SLC23A2: variants seen among roughly 807,000 people sequenced by gnomAD.
SLC23A2 encodes solute carrier family 23 member 2, also known as Na(+)/L-ascorbic acid transporter 2.
In SLC23A2, 36 loss-of-function variants were observed where a neutral mutation model predicts 73.3. The ratio of observed to expected loss-of-function variants is 0.49; its 90% confidence interval spans 0.38 to 0.65. The LOEUF (loss-of-function observed/expected upper bound fraction) is 0.65, where lower values mean the gene tolerates loss of function less well. Among genes scored for constraint, SLC23A2 ranks in the 30% least tolerant of loss-of-function variants. The probability of loss-of-function intolerance (pLI) is 0.00; values close to 1 mark genes in which losing one functional copy is unlikely to be tolerated. For missense variants in SLC23A2, 507 were observed against 841.6 expected, an observed-to-expected ratio of 0.60 and a Z score of 4.92; for synonymous variants, 343 against 327.3, an observed-to-expected ratio of 1.05 and a Z score of -0.52.
At chr20:4,887,665 C>T (rs1020887900) in intron 6 of SLC23A2, among the ~76,000 whole-genome samples, 2 of 152,174 alleles carry the variant, frequency 1.3e-5, no homozygotes, top group African/African-American at 2.4e-5. Context: ...AAGATACTTG[C>T]TCATTTGCAA....
intron 6 of SLC23A2, among the ~76,000 whole-genome samples, chr20:4,897,216 C>T (rs1336318433): frequency 6.6e-6 from 1 of 152,214 alleles, no homozygotes; most frequent in African/African-American, 2.4e-5. Flanking sequence ...ACCACCCACA[C>T]CCCGACAACC....
At chr20:4,928,728 G>T (rs1932751558) in intron 3 of SLC23A2, among the ~76,000 whole-genome samples, 1 of 152,078 alleles carries the variant, frequency 6.6e-6, no homozygotes, top group African/African-American at 2.4e-5. Flanking sequence ...TAATTAAATG[G>T]CTCTACTGTT....
intron 9 of SLC23A2, among the ~76,000 whole-genome samples, chr20:4,882,296 A>G (rs1930918616): frequency 6.6e-6 from 1 of 151,934 alleles, no homozygotes; most frequent in African/African-American, 2.4e-5. Context: ...AATTGCTTAA[A>G]CTCGGGAGGT....
rs564522622 is a variant in SLC23A2, at chr20:4,852,969, G to A, written c.*4003C>T. On this transcript the variant is annotated 3_prime_UTR_variant, in exon 17 of 17. Transcript: ENST00000338244. The surrounding 1 kb of genome is among the most constrained non-coding windows in gnomAD (Gnocchi z 4.3). ...GCAGACGCTGAACGCTGGCAAAACC[G>A]GGTGGCCGTTCTTGCACTACTCGGG... is the stretch of plus-strand genomic sequence containing the variant. The A allele has an allele frequency of 1.9e-4, 29 of 152,700 alleles. No homozygotes were observed. The highest frequency in any genetic ancestry group is 1.3e-3 in the Admixed American group (20 of 15,300). 9.5% of individuals were successfully genotyped at this position (152,700 alleles called of 1,614,324 possible).
chr20:4,985,124 AG>A, intron 1 of SLC23A2, among the ~76,000 whole-genome samples: 1 of 143,232 alleles, frequency 7.0e-6, no homozygotes, highest in South Asian at 2.5e-4. Flanking sequence ...TGACAGAGCA[AG>A]ACTCCGTCTC....
rs1045683226 is a variant in SLC23A2 at position 4,863,433 on chromosome 20, G to A, written c.1357-526C>T. Among the ~76,000 whole-genome samples, 11 of 152,194 alleles carry A rather than the reference G, an allele frequency of 7.2e-5. No individual in the cohort carries two copies. Among genetic ancestry groups the A allele is most frequent in the African/African-American group, 1.9e-4 (8 of 41,426 alleles). ...CTGGCCCACGTCTGACTGTATGGTC[G>A]GGCCGACCCGTAGCCTCTAGAGTCT... On this transcript the variant is annotated intron_variant, in intron 13 of 16. Coordinates refer to ENST00000338244, the MANE Select transcript of SLC23A2 (RefSeq NM_005116.6). This position sits in a 1 kb window ranked among gnomAD's most constrained non-coding sequence, Gnocchi z 4.8.
intron 2 of SLC23A2, among the ~76,000 whole-genome samples, chr20:4,933,809 C>T (rs1568631038): frequency 6.6e-6 from 1 of 152,110 alleles, no homozygotes; most frequent in Non-Finnish European, 1.5e-5. Context: ...TCAGATCTTA[C>T]CACCAATTAT....
Position 4,862,700 on chromosome 20 carries a change from A to G in SLC23A2, c.1486+78T>C. 1 of 1,299,146 alleles carries G rather than the reference A, an allele frequency of 7.7e-7. No individual in the cohort carries two copies. Among genetic ancestry groups the G allele is most frequent in the Non-Finnish European group, 1.1e-6 (1 of 927,688 alleles). 80.5% of individuals were successfully genotyped at this position (1,299,146 alleles called of 1,614,324 possible). On this transcript the variant is annotated intron_variant, in intron 14 of 16. Coordinates refer to ENST00000338244, the MANE Select transcript of SLC23A2 (RefSeq NM_005116.6). This position sits in a 1 kb window ranked among gnomAD's most constrained non-coding sequence, Gnocchi z 5.1. ...AAATTTATCGTTACCTTCTTACTGA[A>G]GGGAGTCAGCAAAAACACCATGACC...
intron 2 of SLC23A2, among the ~76,000 whole-genome samples, chr20:4,959,219 CA>C (rs34519143): frequency 0.014 from 1,614 of 113,412 alleles, 8 homozygotes; most frequent in Non-Finnish European, 0.021. Flanking sequence ...AACTCTGTCT[CA>C]AAAAAAAAAA....
chr20:4,984,456 C>G (rs1368061058), intron 1 of SLC23A2, among the ~76,000 whole-genome samples: 1 of 150,646 alleles, frequency 6.6e-6, no homozygotes, highest in Non-Finnish European at 1.5e-5. Flanking sequence ...TGGAGGCTGA[C>G]GCAGGAGAAT....
At chr20:4,880,374 T>C (rs996388537) in intron 9 of SLC23A2, among the ~76,000 whole-genome samples, 9 of 152,062 alleles carry the variant, frequency 5.9e-5, no homozygotes, top group African/African-American at 2.2e-4. Context: ...AGCCTTCCTT[T>C]ATTAGTTCAC....
chr20:4,921,507 G>A (rs1806388800), intron 3 of SLC23A2, among the ~76,000 whole-genome samples: 1 of 151,562 alleles, frequency 6.6e-6, no homozygotes, highest in Admixed American at 6.6e-5. Context: ...GATCACTTGA[G>A]CCCAGGAGGT....
intron 2 of SLC23A2, among the ~76,000 whole-genome samples, chr20:4,952,426 G>A (rs946409068): frequency 6.6e-6 from 1 of 152,158 alleles, no homozygotes; most frequent in African/African-American, 2.4e-5. Flanking sequence ...CAAACTGAGG[G>A]AAAGGTCTTA....
rs957313878 is a variant in SLC23A2 at position 4,869,632 on chromosome 20, CAG to C, written c.1250+272_1250+273del. On this transcript the variant is annotated intron_variant, in intron 12 of 16. Transcript: ENST00000338244. Reference sequence around the variant, plus strand: ...GAATTTAAGGCTTACAGTGGTTTCGCAGAGAGTGTGTTATTTGATGTCACTGC... The same window carrying C: ...GAATTTAAGGCTTACAGTGGTTTCGCAGAGTGTGTTATTTGATGTCACTGC... 22 of 400,808 alleles carry C rather than the reference CAG, an allele frequency of 5.5e-5. No homozygotes were observed. In the East Asian group the frequency reaches 7.7e-4, roughly 14 times the overall value. The allele number at this position is 400,808 out of a possible 1,614,324, so 24.8% of individuals were successfully genotyped here.
intron 1 of SLC23A2, among the ~76,000 whole-genome samples, chr20:5,008,178 G>C (rs987569387): frequency 6.6e-6 from 1 of 152,118 alleles, no homozygotes; most frequent in African/African-American, 2.4e-5. Flanking sequence ...CCAAAGTGCT[G>C]GGATTACAGG....
At chr20:4,858,518 C>T (rs1929827326) in intron 16 of SLC23A2, among the ~76,000 whole-genome samples, 1 of 149,486 alleles carries the variant, frequency 6.7e-6, no homozygotes, top group Admixed American at 6.7e-5. Context: ...CCAGCAATCT[C>T]TTGATTGAGG....
At position 4,862,150 on chromosome 20, in the gene SLC23A2, T is replaced by C. The variant is rs1257758408; in HGVS notation, c.1487-65A>G. ...TACAGCGGGGACAGCTCAAGGCAGG[T>C]GAGGGCAGGCTCCCTGGCACCCCTT... On this transcript the variant is annotated intron_variant, in intron 14 of 16. Transcript: ENST00000338244. This position sits in a 1 kb window ranked among gnomAD's most constrained non-coding sequence, Gnocchi z 5.1. The C allele has an allele frequency of 2.3e-5, 36 of 1,548,668 alleles. No individual in the cohort carries two copies. The highest frequency in any genetic ancestry group is 4.1e-5 in the African/African-American group (3 of 73,064).
upstream of SLC23A2, among the ~76,000 whole-genome samples, chr20:5,001,776 G>T (rs970823041): frequency 6.6e-6 from 1 of 151,820 alleles, no homozygotes; most frequent in African/African-American, 2.4e-5. Context: ...TGTTCCTGGG[G>T]ACCCACCTGG....
chr20:4,864,539 CTATGGAA>C (rs1930117514), intron 13 of SLC23A2, among the ~76,000 whole-genome samples: 1 of 152,200 alleles, frequency 6.6e-6, no homozygotes, highest in Non-Finnish European at 1.5e-5. Context: ...TTGGCTGTTA[CTATGGAA>C]TAAGGAAGGC....
Sources: allele counts gnomAD v4.1 joint callset (sites outside exome capture counted in the v4.1 genomes callset), GRCh38; gene constraint gnomAD v4.1.1; non-coding constraint Gnocchi (gnomAD v3.1); transcripts MANE v1.5; gene names NCBI Gene and HGNC (gene_info 2026-07-23, HGNC 2026-07-21).